Variants in PCDH9 observed in about 807,000 individuals in gnomAD.
PCDH9 encodes the protein protocadherin 9.
In PCDH9, 24 loss-of-function variants were observed where a neutral mutation model predicts 70.6. The ratio of observed to expected loss-of-function variants is 0.34; its 90% CI spans 0.25 to 0.48. The LOEUF (loss-of-function observed/expected upper bound fraction) is 0.48. Among genes scored for constraint, PCDH9 ranks in the 20% least tolerant of loss-of-function variants. The probability of loss-of-function intolerance (pLI) is 0.99; values close to 1 mark genes in which losing one functional copy is unlikely to be tolerated. For synonymous variants in PCDH9, 562 were observed against 558.5 expected, an observed-to-expected ratio of 1.01 and a Z score of -0.09; for missense variants, 1,281 against 1,503.6, an observed-to-expected ratio of 0.85 and a Z score of 2.45.
At chr13:66,574,630 T>C (rs183940583) in intron 4 of PCDH9, among the ~76,000 whole-genome samples, 30 of 152,344 alleles carry the variant, frequency 2.0e-4, no homozygotes, top group African/African-American at 7.2e-4. Context: ...GATGAAATCA[T>C]ATCTGTCCTC....
At chr13:66,848,402 A>C (rs1455546157) in intron 3 of PCDH9, among the ~76,000 whole-genome samples, 1 of 152,204 alleles carries the variant, frequency 6.6e-6, no homozygotes, top group East Asian at 1.9e-4. Context: ...TAAAAAAGTC[A>C]TTTTAATTGT....
chr13:66,456,113 T>G (rs1958312205), intron 4 of PCDH9, among the ~76,000 whole-genome samples: 1 of 152,134 alleles, frequency 6.6e-6, no homozygotes, highest in South Asian at 2.1e-4. Flanking sequence ...CATCTGAAAA[T>G]ACTAAAAATT....
chr13:66,518,134 G>A (rs181455914), intron 4 of PCDH9, among the ~76,000 whole-genome samples: 31 of 152,206 alleles, frequency 2.0e-4, no homozygotes, highest in African/African-American at 6.7e-4. Flanking sequence ...ACTCATGGCA[G>A]AGGGCAAAAC....
intron 2 of PCDH9, among the ~76,000 whole-genome samples, chr13:67,002,171 T>C (rs1190537455): frequency 6.6e-6 from 1 of 152,140 alleles, no homozygotes. Flanking sequence ...CATTAATTGT[T>C]AAAATATAGA....
chr13:66,860,571 A>C (rs991133185), intron 3 of PCDH9, among the ~76,000 whole-genome samples: 1 of 152,204 alleles, frequency 6.6e-6, no homozygotes, highest in Non-Finnish European at 1.5e-5. Flanking sequence ...TCACTTTAAG[A>C]ATGTAAACAA....
At chr13:66,384,700 T>G (rs1956900089) in intron 4 of PCDH9, among the ~76,000 whole-genome samples, 1 of 152,220 alleles carries the variant, frequency 6.6e-6, no homozygotes, top group Non-Finnish European at 1.5e-5. Context: ...AGTTTCACTC[T>G]GACACTCAGG....
chr13:66,477,830 T>A (rs1304148818), intron 4 of PCDH9, among the ~76,000 whole-genome samples: 1 of 152,174 alleles, frequency 6.6e-6, no homozygotes, highest in African/African-American at 2.4e-5. Flanking sequence ...CCTCTTAAAT[T>A]GTACAAACTT....
intron 2 of PCDH9, among the ~76,000 whole-genome samples, chr13:66,960,759 G>A (rs1474800178): frequency 3.3e-5 from 5 of 152,064 alleles, no homozygotes; most frequent in Non-Finnish European, 5.9e-5. Context: ...AATATTCTTC[G>A]AAGAGGTACA....
chr13:66,520,652 T>C (rs560163668), intron 4 of PCDH9, among the ~76,000 whole-genome samples: 1 of 152,218 alleles, frequency 6.6e-6, no homozygotes, highest in South Asian at 2.1e-4. Flanking sequence ...ATTCACAGGA[T>C]GAATTCTTAA....
chr13:66,521,906 C>T (rs942381128), intron 4 of PCDH9, among the ~76,000 whole-genome samples: 3 of 151,500 alleles, frequency 2.0e-5, no homozygotes, highest in African/African-American at 7.3e-5. Flanking sequence ...ATACATTATC[C>T]TGGAGTAGAT....
At chr13:66,406,023 T>C (rs1359185903) in intron 4 of PCDH9, among the ~76,000 whole-genome samples, 2 of 152,182 alleles carry the variant, frequency 1.3e-5, no homozygotes, top group African/African-American at 4.8e-5. Flanking sequence ...TCTGTGGTTT[T>C]GTTGCCAGAG....
chr13:66,539,653 T>C (rs1960859601), intron 4 of PCDH9, among the ~76,000 whole-genome samples: 1 of 152,106 alleles, frequency 6.6e-6, no homozygotes, highest in Non-Finnish European at 1.5e-5. Context: ...CTTTAAGTCA[T>C]GGAGTATTGG....
intron 4 of PCDH9, among the ~76,000 whole-genome samples, chr13:66,581,409 A>T (rs1184260631): frequency 2.0e-5 from 3 of 152,180 alleles, no homozygotes; most frequent in African/African-American, 7.2e-5. Flanking sequence ...GGAGATTAAC[A>T]TTAAACACAC....
At chr13:67,121,378 T>TA (rs1203251172) in intron 2 of PCDH9, among the ~76,000 whole-genome samples, 1 of 152,208 alleles carries the variant, frequency 6.6e-6, no homozygotes, top group Non-Finnish European at 1.5e-5. Flanking sequence ...CCTTGTGAGT[T>TA]ACTGTATTGG....
rs190560236 is a variant in PCDH9, at chr13:66,878,474, G to A, written c.3138+25030C>T. On this transcript the variant is annotated intron_variant, in intron 3 of 4. Coordinates refer to ENST00000377865, the MANE Select transcript of PCDH9 (RefSeq NM_203487.3). ...ACTCCTGAACTCAGGTGATCAGCCC[G>A]CCTTGGACTCCCAAACTGCTGGGAT... Among the ~76,000 whole-genome samples the A allele has an allele frequency of 1.3e-3, 200 of 152,208 alleles. 1 individual carries two copies. The highest frequency in any genetic ancestry group is 2.5e-3 in the Non-Finnish European group (170 of 68,004).
At chr13:66,784,139 G>A (rs2080042573) in intron 3 of PCDH9, among the ~76,000 whole-genome samples, 1 of 152,068 alleles carries the variant, frequency 6.6e-6, no homozygotes, top group Non-Finnish European at 1.5e-5. Context: ...AGCCTCTCTT[G>A]TCTTCCCTCT....
chr13:66,927,311 C>T (rs1285836314), intron 2 of PCDH9, among the ~76,000 whole-genome samples: 1 of 151,998 alleles, frequency 6.6e-6, no homozygotes, highest in African/African-American at 2.4e-5. Context: ...AAACTAAACA[C>T]TGCATGTTCT....
intron 3 of PCDH9, among the ~76,000 whole-genome samples, chr13:66,866,430 T>C (rs557640775): frequency 1.4e-4 from 21 of 151,140 alleles, no homozygotes; most frequent in East Asian, 3.9e-4. Flanking sequence ...TGCAGTGAGC[T>C]GAGATTGCGC....
At chr13:66,787,040 C>T (rs2080090769) in intron 3 of PCDH9, among the ~76,000 whole-genome samples, 1 of 152,026 alleles carries the variant, frequency 6.6e-6, no homozygotes, top group South Asian at 2.1e-4. Flanking sequence ...CTCCAAATGA[C>T]AAAAATTTAG....
Sources: gnomAD v4.1 joint callset for allele counts (sites outside exome capture counted in the v4.1 genomes callset) on GRCh38, gnomAD v4.1.1 for gene constraint, MANE v1.5 for transcripts, NCBI Gene and HGNC (gene_info 2026-07-23, HGNC 2026-07-21) for gene names.